Variants in EPB41L5 observed in about 807,000 individuals in gnomAD.
The protein encoded by EPB41L5 is erythrocyte membrane protein band 4.1 like 5, also known as band 4.1-like protein 5.
A neutral mutation model predicts 106.6 loss-of-function variants in EPB41L5; 55 were observed. That is an observed-to-expected ratio of 0.52 (90% CI 0.42 to 0.65). The LOEUF (loss-of-function observed/expected upper bound fraction) is 0.65. Ranked by LOEUF, EPB41L5 falls within the 30% of genes least tolerant of loss-of-function variation. The probability of loss-of-function intolerance (pLI) is 0.00; values close to 1 mark genes in which losing one functional copy is unlikely to be tolerated. For missense variants in EPB41L5, 871 were observed against 882.1 expected, an observed-to-expected ratio of 0.99 and a Z score of 0.16; for synonymous variants, 297 against 306.7, an observed-to-expected ratio of 0.97 and a Z score of 0.33.
At chr2:120,160,343 T>A (rs1574779860) in intron 20 of EPB41L5, among the ~76,000 whole-genome samples, 1 of 152,370 alleles carries the variant, frequency 6.6e-6, no homozygotes, top group Non-Finnish European at 1.5e-5. Context: ...TTTAACTTTT[T>A]AAAATATTGA....
intron 24 of EPB41L5, among the ~76,000 whole-genome samples, chr2:120,172,029 C>CAGGG (rs1553517093): frequency 2.0e-5 from 3 of 148,458 alleles, no homozygotes; most frequent in East Asian, 2.0e-4. Context: ...AAAAGGAAAA[C>CAGGG]AAGCATTTTT....
chr2:120,141,203 CTG>C (rs1359079143), intron 18 of EPB41L5, among the ~76,000 whole-genome samples: 1 of 152,050 alleles, frequency 6.6e-6, no homozygotes, highest in Non-Finnish European at 1.5e-5. Context: ...AAAATAAATA[CTG>C]TGTGGAATTC....
At chr2:120,068,910 C>T (rs530493407) in intron 3 of EPB41L5, among the ~76,000 whole-genome samples, 26 of 151,574 alleles carry the variant, frequency 1.7e-4, no homozygotes, top group African/African-American at 5.8e-4. Context: ...GGTGGTTCAC[C>T]GGAGGCTGGG....
intron 3 of EPB41L5, among the ~76,000 whole-genome samples, chr2:120,050,159 G>A (rs1164566788): frequency 4.6e-5 from 7 of 151,956 alleles, no homozygotes; most frequent in African/African-American, 7.3e-5. Context: ...TGCTCTTCTC[G>A]AGGAGTATCT....
chr2:120,069,167 A>G (rs1245593798), intron 3 of EPB41L5, among the ~76,000 whole-genome samples: 3 of 135,398 alleles, frequency 2.2e-5, no homozygotes, highest in East Asian at 2.2e-4. Flanking sequence ...AAAAAAAAAA[A>G]GCAGGGGTTG....
chr2:120,105,706 C>T (rs780612915), intron 16 of EPB41L5: 34 of 985,200 alleles, frequency 3.5e-5, no homozygotes, highest in Non-Finnish European at 4.1e-5. Context: ...CCTCTTTAAG[C>T]CCATCATCGT....
chr2:120,114,247 A>G (rs1017290577), intron 16 of EPB41L5, among the ~76,000 whole-genome samples: 10 of 152,352 alleles, frequency 6.6e-5, no homozygotes, highest in African/African-American at 2.2e-4. Flanking sequence ...TCTTCTTTAG[A>G]GAAGTATCTA....
At chr2:120,130,070 C>T (rs191540062) in intron 17 of EPB41L5, among the ~76,000 whole-genome samples, 1 of 147,770 alleles carries the variant, frequency 6.8e-6, no homozygotes, top group Non-Finnish European at 1.5e-5. Flanking sequence ...CAGTTGAACC[C>T]GAGAGGCAGA....
rs1292162647 is a variant in EPB41L5 at position 120,091,524 on chromosome 2, A to T, written c.1044-31A>T. ...GTGTGTTTATTACTGTAGACCTAAA[A>T]TTTCCCTTACTTCTGTTATGCCTCA... On this transcript the variant is annotated intron_variant, in intron 12 of 24. Transcript: ENST00000263713. The T allele has an allele frequency of 1.9e-6, 3 of 1,540,232 alleles. No homozygotes were observed. In the African/African-American group the frequency reaches 4.1e-5, roughly 21 times the overall value.
chr2:120,106,724 G>A (rs1047934926), intron 16 of EPB41L5: 1 of 985,384 alleles, frequency 1.0e-6, no homozygotes, highest in Non-Finnish European at 1.2e-6. Flanking sequence ...TAGAAACACA[G>A]CAAAGCTAGT....
intron 3 of EPB41L5, among the ~76,000 whole-genome samples, chr2:120,054,345 A>G (rs577489772): frequency 2.6e-5 from 4 of 152,116 alleles, no homozygotes; most frequent in East Asian, 1.9e-4. Flanking sequence ...TTTTTCCCCT[A>G]CTTTTCACTT....
In EPB41L5 at chr2:120,013,190, GC is replaced by G. The variant is rs926263171; in HGVS notation, c.-28del. 3.3e-5 allele frequency: 5 copies of G among 152,384 alleles called. No individual in the cohort carries two copies. The highest frequency in any genetic ancestry group is 7.3e-5 in the Non-Finnish European group (5 of 68,206). The allele number at this position is 152,384 out of a possible 1,614,324, so 9.4% of individuals were successfully genotyped here. On this transcript the variant is annotated 5_prime_UTR_variant, in exon 1 of 25. Coordinates refer to ENST00000263713, the MANE Select transcript of EPB41L5 (RefSeq NM_020909.4). Reference sequence around the variant, plus strand: ...GCTCTTCCCCGCTCTGGTCGCCGGGGCTGCGCCGTCCCCAGCTCAGGTAAGC... The same window carrying G: ...GCTCTTCCCCGCTCTGGTCGCCGGGGTGCGCCGTCCCCAGCTCAGGTAAGC...
chr2:120,140,591 A>T (rs1686130584), intron 18 of EPB41L5, among the ~76,000 whole-genome samples: 1 of 152,086 alleles, frequency 6.6e-6, no homozygotes, highest in Non-Finnish European at 1.5e-5. Flanking sequence ...ATGATCCAGA[A>T]TCTAATACTT....
chr2:120,115,408 A>G (rs1274591667), intron 16 of EPB41L5, among the ~76,000 whole-genome samples: 1 of 151,134 alleles, frequency 6.6e-6, no homozygotes, highest in Non-Finnish European at 1.5e-5. Context: ...TTACTATTTT[A>G]TTTATTTGTT....
At chr2:120,094,023 C>T (rs1310104713) in intron 14 of EPB41L5, among the ~76,000 whole-genome samples, 2 of 151,936 alleles carry the variant, frequency 1.3e-5, no homozygotes, top group East Asian at 3.9e-4. Context: ...GCTCTTTCAC[C>T]CAGGCTGCAG....
chr2:120,138,420 T>C (rs1410632428), intron 18 of EPB41L5, among the ~76,000 whole-genome samples: 1 of 151,954 alleles, frequency 6.6e-6, no homozygotes, highest in Non-Finnish European at 1.5e-5. Context: ...CATCAGATGA[T>C]ACTATTTTAT....
intron 16 of EPB41L5, among the ~76,000 whole-genome samples, chr2:120,114,093 C>G (rs1427383999): frequency 6.6e-6 from 1 of 152,138 alleles, no homozygotes; most frequent in Non-Finnish European, 1.5e-5. Context: ...GTGGCCACAC[C>G]ATGTGGGTTC....
At chr2:120,075,147 A>C (rs543959044) in intron 5 of EPB41L5, among the ~76,000 whole-genome samples, 1 of 152,216 alleles carries the variant, frequency 6.6e-6, no homozygotes, top group South Asian at 2.1e-4. Context: ...GAATACTTCT[A>C]AGATCTAGTG....
Position 120,176,468 on chromosome 2 carries a change from C to T in EPB41L5, c.*1561C>T, listed in dbSNP as rs768433265. Reference sequence around the variant, plus strand: ...CACACTAGTGTCTGACTGGAAAGCTCAGGAATTTTAATCTTGCACTGTTTC... The same window carrying T: ...CACACTAGTGTCTGACTGGAAAGCTTAGGAATTTTAATCTTGCACTGTTTC... On this transcript the variant is annotated 3_prime_UTR_variant, in exon 25 of 25. Transcript: ENST00000263713. 3.3e-5 allele frequency: 5 copies of T among 152,216 alleles called. No individual in the cohort carries two copies. The highest frequency in any genetic ancestry group is 7.3e-5 in the Non-Finnish European group (5 of 68,036). The allele number at this position is 152,216 out of a possible 1,614,324, so 9.4% of individuals were successfully genotyped here. A position where few individuals can be genotyped will look rare whatever the true frequency, so the allele number is the denominator to read the frequency against.
Sources: allele counts gnomAD v4.1 joint callset (sites outside exome capture counted in the v4.1 genomes callset), GRCh38; gene constraint gnomAD v4.1.1; transcripts MANE v1.5; gene names NCBI Gene and HGNC (gene_info 2026-07-23, HGNC 2026-07-21).